The following KIAA1614 variants were observed in gnomAD, a reference collection of about 807,000 sequenced individuals.
The protein encoded by KIAA1614 is KIAA1614.
KIAA1614 carries 76 observed loss-of-function variants against 88.7 expected under a neutral mutation model. That is an observed-to-expected ratio of 0.86 (90% CI 0.71 to 1.04). The LOEUF (loss-of-function observed/expected upper bound fraction) is 1.04. Ranked by LOEUF, KIAA1614 falls within the 50% of genes least tolerant of loss-of-function variation. The pLI, the probability that KIAA1614 is intolerant of heterozygous loss-of-function variation, is 0.00. For missense variants in KIAA1614, 1,553 were observed against 1,582.5 expected (o/e 0.98, Z 0.32); for synonymous variants, 714 against 675.5 (o/e 1.06, Z -0.88).
intron 5 of KIAA1614, among the ~76,000 whole-genome samples, chr1:180,938,014 A>T (rs1425125331): frequency 6.6e-6 from 1 of 152,188 alleles, no homozygotes; most frequent in African/African-American, 2.4e-5. Context: ...TAAAGTGAGG[A>T]CGATGACGGC....
rs918880886 is a variant in KIAA1614 at position 180,922,248 on chromosome 1, G to A, written c.1061+4334G>A. Reference sequence around the variant, plus strand: ...GGAGAAGGGAGCAGAGAAGGTCTCGGTTTTGTTTTATGTGTGCTGTAGTGA... The same window carrying A: ...GGAGAAGGGAGCAGAGAAGGTCTCGATTTTGTTTTATGTGTGCTGTAGTGA... On this transcript the variant is annotated intron_variant, in intron 3 of 8. Coordinates refer to ENST00000367588, the MANE Select transcript of KIAA1614 (RefSeq NM_020950.2). Among the ~76,000 whole-genome samples the A allele has an allele frequency of 6.6e-5, 10 of 152,248 alleles. No homozygotes were observed. The East Asian group carries it at 1.7e-3, about 26-fold the overall frequency.
At chr1:180,918,175 T>C (rs1571283225) in intron 3 of KIAA1614, among the ~76,000 whole-genome samples, 1 of 152,204 alleles carries the variant, frequency 6.6e-6, no homozygotes, top group Non-Finnish European at 1.5e-5. Flanking sequence ...ACCTGCTCCA[T>C]GTCCATGGAG....
rs1654319346 is a variant in KIAA1614, at chr1:180,935,809, G to A, written c.1900G>A (p.Gly634Ser). 2 of 1,613,778 alleles carry A rather than the reference G, an allele frequency of 1.2e-6. No homozygotes were observed. Among genetic ancestry groups the A allele is most frequent in the Non-Finnish European group, 8.5e-7 (1 of 1,179,942 alleles). The change falls in exon 5 of 9, where the codon GGC becomes AGC. Residue 634 changes from glycine to serine, a missense_variant. Gly to Ser is a moderately conservative substitution (Grantham distance 56). Coordinates refer to ENST00000367588, the MANE Select transcript of KIAA1614 (RefSeq NM_020950.2). The surrounding 1 kb of genome is among the most constrained non-coding windows in gnomAD (Gnocchi z 6.1). ...DSEEAGTSQA[G>S]WACGRTQGSS... ...TGAGGAGGCGGGGACCTCTCAGGCT[G>A]GCTGGGCGTGTGGGCGGACCCAAGG...
rs1353968343 is a variant in KIAA1614, at chr1:180,913,239, G to A, written c.-5G>A. 1.4e-5 allele frequency: 18 copies of A among 1,262,466 alleles called. No individual in the cohort carries two copies. The East Asian group carries it at 5.4e-4, about 38-fold the overall frequency. The allele number at this position is 1,262,466 out of a possible 1,614,324, so 78.2% of individuals were successfully genotyped here. ...GGGCTGGAGAGGGCCTGGCCTCTCC[G>A]AGGGATGGAGGGGACAGAGGCGGCG... On this transcript the variant is annotated 5_prime_UTR_variant, in exon 1 of 9. Transcript: ENST00000367588.
intron 5 of KIAA1614, among the ~76,000 whole-genome samples, chr1:180,938,259 C>A (rs572311174): frequency 1.3e-5 from 2 of 152,330 alleles, no homozygotes; most frequent in East Asian, 3.9e-4. Context: ...CAGTGATCAT[C>A]TACTGTGGAC....
chr1:180,945,274 C>A, intron 8 of KIAA1614, 29 bp from the exon 9 acceptor site: 1 of 1,563,612 alleles, frequency 6.4e-7, no homozygotes, highest in Admixed American at 2.2e-5. Flanking sequence ...ATGCTTTTTG[C>A]CCTCACTGTG....
chr1:180,948,447 T>C lies in KIAA1614; in HGVS notation c.*2859T>C, dbSNP rs555163362. 9 of 152,376 alleles carry C rather than the reference T, an allele frequency of 5.9e-5. No individual in the cohort carries two copies. The highest frequency in any genetic ancestry group is 1.9e-4 in the African/African-American group (8 of 41,588). The allele number at this position is 152,376 out of a possible 1,614,324, so 9.4% of individuals were successfully genotyped here. A position where few individuals can be genotyped will look rare whatever the true frequency, so the allele number is the denominator to read the frequency against. On this transcript the variant is annotated 3_prime_UTR_variant, in exon 9 of 9. Coordinates refer to ENST00000367588, the MANE Select transcript of KIAA1614 (RefSeq NM_020950.2). ...CCATTTCCAGCAGACAATAAATGCC[T>C]ATGACAGCAGGCTGTCATATTTGTG...
Position 180,917,858 on chromosome 1 carries a change from A to G in KIAA1614, c.1005A>G (p.Pro335=), listed in dbSNP as rs754838065. The change falls in exon 3 of 9, where the codon CCA becomes CCG. Residue 335 remains proline (P), a synonymous_variant. Coordinates refer to ENST00000367588, the MANE Select transcript of KIAA1614 (RefSeq NM_020950.2). ...TTCTGTTCTGGATCCTAGAGCGACC[A>G]GTGGGGGATGTGGACTGGGCCTCGG... ...PSWDTAAPER[P]VGDVDWASGT... is the part of the protein sequence containing the mutation. 8.7e-6 allele frequency: 14 copies of G among 1,613,794 alleles called. No homozygotes were observed. The African/African-American group carries it at 1.9e-4, about 22-fold the overall frequency.
chr1:180,927,297 C>T (rs1654089119), intron 3 of KIAA1614, among the ~76,000 whole-genome samples: 1 of 152,188 alleles, frequency 6.6e-6, no homozygotes, highest in Non-Finnish European at 1.5e-5. Flanking sequence ...ACAGGGGCAG[C>T]CAGTGGGGAT....
chr1:180,944,320 G>A (rs41268448), intron 7 of KIAA1614, 69 bp from the exon 8 acceptor site: 18,386 of 1,549,136 alleles, frequency 0.012, 147 homozygotes, highest in Non-Finnish European at 0.014. Flanking sequence ...GTTCATGGTG[G>A]GGCCAAGTCC....
At position 180,917,153 on chromosome 1, in the gene KIAA1614, AG is replaced by A; in HGVS notation, c.997+56del. 3 of 1,410,274 alleles carry A rather than the reference AG, an allele frequency of 2.1e-6. No individual in the cohort carries two copies. In the South Asian group the frequency reaches 3.8e-5, roughly 18 times the overall value. The allele number at this position is 1,410,274 out of a possible 1,614,324, so 87.4% of individuals were successfully genotyped here. On this transcript the variant is annotated intron_variant, in intron 2 of 8. Transcript: ENST00000367588. ...GTGGGGGGAGCAGGAGGGAATCCAG[AG>A]GGAGGAAAAGGGGACGAGGGGGTCC...
intron 3 of KIAA1614, among the ~76,000 whole-genome samples, chr1:180,922,133 G>T (rs1049301687): frequency 1.3e-5 from 2 of 152,240 alleles, no homozygotes; most frequent in Non-Finnish European, 2.9e-5. Flanking sequence ...CATGGCCCAG[G>T]CACACCCTGG....
intron 4 of KIAA1614, among the ~76,000 whole-genome samples, chr1:180,933,031 C>T (rs1037948667): frequency 2.0e-5 from 3 of 152,188 alleles, no homozygotes; most frequent in South Asian, 2.1e-4. Context: ...TGAGCCACTG[C>T]GCCTGGCCAG....
chr1:180,928,299 A>C, intron 3 of KIAA1614, 131 bp from the exon 4 acceptor site: 2 of 1,107,010 alleles, frequency 1.8e-6, no homozygotes, highest in Non-Finnish European at 2.5e-6. Context: ...CGTGGGTGCT[A>C]GAGGAGGAAG....
In KIAA1614 at chr1:180,936,593, G is replaced by T. The variant is rs1571297791; in HGVS notation, c.2684G>T (p.Gly895Val). 6.2e-7 allele frequency: 1 copy of T among 1,611,802 alleles called. No homozygotes were observed. The change falls in exon 5 of 9, where the codon GGA becomes GTA. Residue 895 changes from glycine (G) to valine (V), a missense_variant. Gly to Val is a moderately radical substitution (Grantham distance 109). Transcript: ENST00000367588. Reference protein sequence around the residue: ...APRGLQEPYGGAVHEGRVERG... With the variant: ...APRGLQEPYGVAVHEGRVERG... ...CGGGGGCTGCAGGAGCCCTACGGGG[G>T]AGCCGTCCACGAGGGTAGGGTGGAG...
At position 180,923,797 on chromosome 1, in the gene KIAA1614, C is replaced by G. The variant is rs1262413960; in HGVS notation, c.1062-4633C>G. ...TCCCACCATCCCAGCACCACCCCAG[C>G]ATGCCCAGGGCTGTAGAGGTGGCTG... On this transcript the variant is annotated intron_variant, in intron 3 of 8. Coordinates refer to ENST00000367588, the MANE Select transcript of KIAA1614 (RefSeq NM_020950.2). Among the ~76,000 whole-genome samples the G allele has an allele frequency of 5.3e-5, 8 of 152,204 alleles. No individual in the cohort carries two copies. The South Asian group carries it at 1.2e-3, about 24-fold the overall frequency.
intron 3 of KIAA1614, among the ~76,000 whole-genome samples, chr1:180,918,924 C>T (rs948159254): frequency 6.6e-6 from 1 of 152,164 alleles, no homozygotes; most frequent in Non-Finnish European, 1.5e-5. Context: ...CAAGCAGATT[C>T]AGCATCTGGT....
intron 5 of KIAA1614, among the ~76,000 whole-genome samples, chr1:180,937,187 T>C (rs1482994294): frequency 6.6e-6 from 1 of 152,270 alleles, no homozygotes; most frequent in Non-Finnish European, 1.5e-5. Context: ...GCTGAGCACC[T>C]GTTATGTGCC....
At chr1:180,921,892 C>T (rs1284408970) in intron 3 of KIAA1614, among the ~76,000 whole-genome samples, 1 of 152,218 alleles carries the variant, frequency 6.6e-6, no homozygotes, top group African/African-American at 2.4e-5. Context: ...CCAGCTCTGG[C>T]CCCTTCCCTT....
Sources: gnomAD v4.1 joint callset for allele counts (sites outside exome capture counted in the v4.1 genomes callset) on GRCh38, gnomAD v4.1.1 for gene constraint, Gnocchi (gnomAD v3.1) non-coding constraint, MANE v1.5 for transcripts, NCBI Gene and HGNC (gene_info 2026-07-23, HGNC 2026-07-21) for gene names.